The following FOXN2 variants were observed in gnomAD, a reference collection of about 807,000 sequenced individuals.
The protein encoded by FOXN2 is forkhead box N2.
A neutral mutation model predicts 41.2 loss-of-function variants in FOXN2; 19 were observed. The ratio of observed to expected loss-of-function variants is 0.46; its 90% CI spans 0.32 to 0.68. The LOEUF is 0.68. Ranked by LOEUF, FOXN2 falls within the 30% of genes least tolerant of loss-of-function variation. The probability of loss-of-function intolerance (pLI) is 0.03; values close to 1 mark genes in which losing one functional copy is unlikely to be tolerated. For synonymous variants in FOXN2, 195 were observed against 176.8 expected (o/e 1.10, Z -0.82); for missense variants, 587 against 509.4 (o/e 1.15, Z -1.47).
At chr2:48,326,496 AG>A (rs1669685048) in intron 1 of FOXN2, among the ~76,000 whole-genome samples, 1 of 151,122 alleles carries the variant, frequency 6.6e-6, no homozygotes, top group Non-Finnish European at 1.5e-5. Context: ...ATTAAGAGAG[AG>A]TCTGGCATAA....
rs1668958187 is a variant in FOXN2, at chr2:48,316,956, A to G, written c.-157+2142A>G. Among the ~76,000 whole-genome samples the G allele has an allele frequency of 3.5e-5, 5 of 144,598 alleles. 1 individual carries two copies. In the South Asian group the frequency reaches 1.1e-3, roughly 32 times the overall value. 94.9% of individuals were successfully genotyped at this position (144,598 alleles called of 152,430 possible). A position where few individuals can be genotyped will look rare whatever the true frequency, so the allele number is the denominator to read the frequency against. On this transcript the variant is annotated intron_variant, in intron 1 of 6. Transcript: ENST00000340553. ...GTGCTCAATCAGAAAAGTTAAATAA[A>G]GATATTGAAGTGGTATCTAGGCCTT...
intron 5 of FOXN2, among the ~76,000 whole-genome samples, chr2:48,370,840 T>A (rs1327260357): frequency 6.6e-6 from 1 of 152,186 alleles, no homozygotes; most frequent in Non-Finnish European, 1.5e-5. Flanking sequence ...TACCTATGTT[T>A]TTGAGGTCTC....
chr2:48,378,722 T>C lies in FOXN2; in HGVS notation c.*3279T>C, dbSNP rs1039988744. Reference sequence around the variant, plus strand: ...TTTTTTTAGTTTGAAATGTGTAAGCTTTGATTTAAACCAAGTTTACTTCAG... The same window carrying C: ...TTTTTTTAGTTTGAAATGTGTAAGCCTTGATTTAAACCAAGTTTACTTCAG... On this transcript the variant is annotated 3_prime_UTR_variant, in exon 7 of 7. Coordinates refer to ENST00000340553, the MANE Select transcript of FOXN2 (RefSeq NM_002158.4). 5.9e-5 allele frequency: 9 copies of C among 152,162 alleles called. No homozygotes were observed. Among genetic ancestry groups the C allele is most frequent in the Non-Finnish European group, 1.3e-4 (9 of 67,868 alleles). 9.4% of individuals were successfully genotyped at this position (152,162 alleles called of 1,614,324 possible).
At chr2:48,363,131 T>C (rs4328683) in intron 5 of FOXN2, among the ~76,000 whole-genome samples, 149,494 of 152,262 alleles carry the variant, frequency 0.98, 73,548 homozygotes, top group Middle Eastern at 1. Flanking sequence ...ATGACAGCTC[T>C]CTGTGTTTAT....
At chr2:48,340,769 A>T (rs1306028432) in intron 2 of FOXN2, 1 of 152,234 alleles carries the variant, frequency 6.6e-6, no homozygotes. Context: ...GTTTCCAATT[A>T]GCAATAATTG....
At chr2:48,331,464 T>A (rs969887262) in intron 2 of FOXN2, among the ~76,000 whole-genome samples, 1 of 152,202 alleles carries the variant, frequency 6.6e-6, no homozygotes. Flanking sequence ...ACCAAGTTAA[T>A]TGCAGCTATT....
Position 48,328,627 on chromosome 2 carries a change from A to C in FOXN2, c.-90A>C, listed in dbSNP as rs1323937063. The C allele has an allele frequency of 6.6e-6, 1 of 152,196 alleles. No homozygotes were observed. The highest frequency in any genetic ancestry group is 6.5e-5 in the Admixed American group (1 of 15,274). 9.4% of individuals were successfully genotyped at this position (152,196 alleles called of 1,614,324 possible). A position where few individuals can be genotyped will look rare whatever the true frequency, so the allele number is the denominator to read the frequency against. ...GCTGACTGTACAAGTCTGTCAAAAA[A>C]CCAAACTGCTGGTTGGCTAATAATT... On this transcript the variant is annotated 5_prime_UTR_variant, in exon 2 of 7. Transcript: ENST00000340553.
intron 2 of FOXN2, among the ~76,000 whole-genome samples, chr2:48,343,018 A>G (rs951167217): frequency 3.9e-5 from 6 of 152,220 alleles, no homozygotes; most frequent in Non-Finnish European, 5.9e-5. Flanking sequence ...AATTTAGTCA[A>G]TAGTTATCAG....
At chr2:48,344,197 G>A (rs1670950080) in intron 2 of FOXN2, among the ~76,000 whole-genome samples, 1 of 152,284 alleles carries the variant, frequency 6.6e-6, no homozygotes, top group Middle Eastern at 3.4e-3. Flanking sequence ...AATACATTGT[G>A]TGCTCATATA....
intron 5 of FOXN2, among the ~76,000 whole-genome samples, chr2:48,373,009 T>C (rs1050901822): frequency 6.6e-6 from 1 of 152,092 alleles, no homozygotes; most frequent in Non-Finnish European, 1.5e-5. Flanking sequence ...AGTTTAAGTT[T>C]TCGTTTTCAT....
chr2:48,348,140 A>G (rs1010132387), intron 3 of FOXN2, among the ~76,000 whole-genome samples: 1 of 151,760 alleles, frequency 6.6e-6, no homozygotes, highest in African/African-American at 2.4e-5. Context: ...TATCTCTTCA[A>G]ATATTTCTTC....
At chr2:48,368,187 CAGT>C (rs1672651161) in intron 5 of FOXN2, among the ~76,000 whole-genome samples, 1 of 152,070 alleles carries the variant, frequency 6.6e-6, no homozygotes, top group South Asian at 2.1e-4. Flanking sequence ...GTTATGAAAT[CAGT>C]AGCATGTTTG....
At chr2:48,316,023 C>T (rs978116973) in intron 1 of FOXN2, among the ~76,000 whole-genome samples, 1 of 152,118 alleles carries the variant, frequency 6.6e-6, no homozygotes, top group Admixed American at 6.5e-5. Flanking sequence ...ATTGTGACAG[C>T]CACGTGGCCG....
intron 1 of FOXN2, among the ~76,000 whole-genome samples, chr2:48,322,802 A>T (rs1308028114): frequency 6.7e-6 from 1 of 148,994 alleles, no homozygotes; most frequent in Non-Finnish European, 1.5e-5. Context: ...GGTATTTCTC[A>T]TAATTTTTTT....
At chr2:48,371,869 C>G (rs1672916608) in intron 5 of FOXN2, among the ~76,000 whole-genome samples, 1 of 152,038 alleles carries the variant, frequency 6.6e-6, no homozygotes, top group Non-Finnish European at 1.5e-5. Flanking sequence ...ATATTACTGA[C>G]TTTTGTGTAT....
intron 2 of FOXN2, among the ~76,000 whole-genome samples, chr2:48,333,454 C>T (rs1044101960): frequency 5.3e-5 from 8 of 151,956 alleles, no homozygotes; most frequent in African/African-American, 1.9e-4. Flanking sequence ...AATACATTTC[C>T]TTATCAGGAG....
rs149259819 is a variant in FOXN2, at chr2:48,354,335, C to A, written c.538-4712C>A. On this transcript the variant is annotated intron_variant, in intron 3 of 6. Coordinates refer to ENST00000340553, the MANE Select transcript of FOXN2 (RefSeq NM_002158.4). ...GTGCTGTGCTGGCTGGGCGCGGTGGCTCACACCTGTAATCCCAGCACTTTT... is the reference window on the plus strand; with the variant it reads ...GTGCTGTGCTGGCTGGGCGCGGTGGATCACACCTGTAATCCCAGCACTTTT... Among the ~76,000 whole-genome samples, 290 of 152,238 alleles carry A rather than the reference C, an allele frequency of 1.9e-3. 1 individual carries two copies. Among genetic ancestry groups the A allele is most frequent in the African/African-American group, 6.1e-3 (253 of 41,538 alleles).
At chr2:48,367,715 T>A (rs1022739677) in intron 5 of FOXN2, among the ~76,000 whole-genome samples, 2 of 152,272 alleles carry the variant, frequency 1.3e-5, no homozygotes, top group African/African-American at 4.8e-5. Context: ...GCTCGACTTA[T>A]AACCTTACTC....
chr2:48,318,717 A>G (rs997386240), intron 1 of FOXN2, among the ~76,000 whole-genome samples: 2 of 152,206 alleles, frequency 1.3e-5, no homozygotes, highest in South Asian at 2.1e-4. Context: ...TTTAGTATCT[A>G]TTGTATTTAG....
Sources: gnomAD v4.1 joint callset for allele counts (sites outside exome capture counted in the v4.1 genomes callset) on GRCh38, gnomAD v4.1.1 for gene constraint, MANE v1.5 for transcripts, NCBI Gene and HGNC (gene_info 2026-07-23, HGNC 2026-07-21) for gene names.